The following COL24A1 variants were observed in gnomAD, a reference collection of about 807,000 sequenced individuals.
The protein encoded by COL24A1 is collagen alpha-1(XXIV) chain.
In COL24A1, 224 loss-of-function variants were observed where a neutral mutation model predicts 253.9. The observed-to-expected ratio is 0.88, with a 90% CI of 0.79 to 0.99. The LOEUF (loss-of-function observed/expected upper bound fraction) is 0.99. COL24A1 is among the 50% of genes least tolerant of loss of function. The pLI is 0.00. For missense variants in COL24A1, 2,131 were observed against 2,068.5 expected (o/e 1.03, Z -0.59); for synonymous variants, 685 against 673.7 (o/e 1.02, Z -0.26).
At chr1:86,049,989 T>C in intron 11 of COL24A1, 135 bp downstream of exon 11, 2 of 591,990 alleles carry the variant, frequency 3.4e-6, no homozygotes, top group Non-Finnish European at 5.7e-6. Flanking sequence ...ATTACATTTC[T>C]GGCAGGTGAT....
chr1:85,914,829 T>C (rs1685736525), intron 24 of COL24A1, among the ~76,000 whole-genome samples: 1 of 152,192 alleles, frequency 6.6e-6, no homozygotes, highest in South Asian at 2.1e-4. Context: ...TACATCCTCT[T>C]CTGGAAAAGA....
intron 24 of COL24A1, among the ~76,000 whole-genome samples, chr1:85,927,233 G>T (rs532127467): frequency 3.3e-5 from 5 of 152,040 alleles, no homozygotes; most frequent in African/African-American, 7.3e-5. Context: ...CGCACCGTGC[G>T]CGAGCCGAAG....
intron 5 of COL24A1, among the ~76,000 whole-genome samples, chr1:86,092,854 A>G (rs947929781): frequency 6.6e-6 from 1 of 151,990 alleles, no homozygotes; most frequent in Admixed American, 6.6e-5. Context: ...ATAAAATTAG[A>G]TAAGTTTCAC....
chr1:85,766,079 A>T (rs1315738918), intron 53 of COL24A1, among the ~76,000 whole-genome samples: 1 of 152,086 alleles, frequency 6.6e-6, no homozygotes, highest in African/African-American at 2.4e-5. Context: ...TATATATATG[A>T]ATAGGACTGG....
rs1043671704 is a variant in COL24A1, at chr1:85,929,814, A to G, written c.2563-18381T>C. 3.3e-4 allele frequency among the ~76,000 whole-genome samples: 50 copies of G among 151,468 alleles called. 1 individual carries two copies. Among genetic ancestry groups the G allele is most frequent in the Non-Finnish European group, 6.9e-4 (47 of 67,928 alleles). On this transcript the variant is annotated intron_variant, in intron 24 of 59. Transcript: ENST00000370571. ...CCGCTCAACTACATGGAAACTGAAC[A>G]ACCTGTACCTGAATGACTACTGGGT...
Position 85,732,311 on chromosome 1 carries a change from G to A in COL24A1, c.4999-1619C>T, listed in dbSNP as rs1012263030. 5.5e-4 allele frequency among the ~76,000 whole-genome samples: 83 copies of A among 151,396 alleles called. 2 individuals are homozygous for A. Among genetic ancestry groups the A allele is most frequent in the African/African-American group, 1.9e-3 (79 of 41,186 alleles). ...GTGGTGCAATCTAGGCTCACTGCAA[G>A]CTCCGCCTCCCAGGTTCACGCCATT... On this transcript the variant is annotated intron_variant, in intron 59 of 59. Coordinates refer to ENST00000370571, the MANE Select transcript of COL24A1 (RefSeq NM_152890.7).
chr1:85,947,054 T>C (rs138465894), intron 24 of COL24A1, among the ~76,000 whole-genome samples: 2 of 152,342 alleles, frequency 1.3e-5, no homozygotes, highest in Admixed American at 6.5e-5. Flanking sequence ...GCACATGGCA[T>C]GAACAGATGC....
intron 20 of COL24A1, among the ~76,000 whole-genome samples, chr1:85,977,058 C>T (rs902221320): frequency 6.6e-6 from 1 of 152,174 alleles, no homozygotes; most frequent in Non-Finnish European, 1.5e-5. Flanking sequence ...ACTTTGCAGA[C>T]AATCTCCAGC....
intron 24 of COL24A1, among the ~76,000 whole-genome samples, chr1:85,949,403 T>C (rs1187535339): frequency 6.6e-6 from 1 of 152,140 alleles, no homozygotes; most frequent in Non-Finnish European, 1.5e-5. Flanking sequence ...CTTGGATATT[T>C]AGGGAAGATA....
intron 3 of COL24A1, among the ~76,000 whole-genome samples, chr1:86,121,607 T>C (rs997131588): frequency 4.6e-5 from 7 of 152,066 alleles, no homozygotes; most frequent in Admixed American, 4.6e-4. Context: ...TAAAAACTGA[T>C]TAAATATAAT....
chr1:85,786,970 C>A (rs946902581), intron 47 of COL24A1, among the ~76,000 whole-genome samples: 1 of 152,164 alleles, frequency 6.6e-6, no homozygotes, highest in Non-Finnish European at 1.5e-5. Context: ...CTACACTTTG[C>A]AAACTAAATT....
At position 85,896,377 on chromosome 1, in the gene COL24A1, T is replaced by C; in HGVS notation, c.2811A>G (p.Glu937=). ...GSRGPDGLLG[E]QGIQGAKGEK... is the part of the protein sequence containing the mutation. ...TTACCTTGGCACCTTGTATACCTTG[T>C]TCCCCTAAGAGACCATCTGGTCCTC... The change falls in exon 29 of 60, where the codon GAA becomes GAG. Residue 937 remains glutamate (E), a synonymous_variant. Transcript: ENST00000370571. 6.2e-7 allele frequency: 1 copy of C among 1,613,550 alleles called. No individual in the cohort carries two copies. The highest frequency in any genetic ancestry group is 8.5e-7 in the Non-Finnish European group (1 of 1,179,486).
chr1:86,116,436 T>G (rs180721725), intron 3 of COL24A1, among the ~76,000 whole-genome samples: 1 of 152,334 alleles, frequency 6.6e-6, no homozygotes, highest in East Asian at 1.9e-4. Flanking sequence ...TTAAATCATA[T>G]GTACTTTCCA....
At position 85,937,507 on chromosome 1, in the gene COL24A1, T is replaced by C. The variant is rs535374017; in HGVS notation, c.2562+23742A>G. On this transcript the variant is annotated intron_variant, in intron 24 of 59. Coordinates refer to ENST00000370571, the MANE Select transcript of COL24A1 (RefSeq NM_152890.7). Reference sequence around the variant, plus strand: ...TCAATATTTACCAGAGGGTCAAACATGAAAGAGTATCTGCAGGTAGATTTA... The same window carrying C: ...TCAATATTTACCAGAGGGTCAAACACGAAAGAGTATCTGCAGGTAGATTTA... 9.7e-4 allele frequency among the ~76,000 whole-genome samples: 143 copies of C among 147,578 alleles called. 13 individuals are homozygous for C. Among genetic ancestry groups the C allele is most frequent in the African/African-American group, 3.5e-3 (141 of 40,296 alleles).
intron 18 of COL24A1, among the ~76,000 whole-genome samples, chr1:86,019,310 T>C (rs578102702): frequency 6.6e-6 from 1 of 152,146 alleles, no homozygotes; most frequent in South Asian, 2.1e-4. Flanking sequence ...TAATCCCACA[T>C]TCTAGGAGGC....
chr1:85,733,582 ATT>A (rs200237796), intron 59 of COL24A1, among the ~76,000 whole-genome samples: 2 of 144,938 alleles, frequency 1.4e-5, no homozygotes, highest in Non-Finnish European at 3.0e-5. Context: ...CTGTCATTTA[ATT>A]TTTTTTTTTT....
At chr1:85,759,319 A>G (rs554436289) in intron 55 of COL24A1, among the ~76,000 whole-genome samples, 3 of 152,350 alleles carry the variant, frequency 2.0e-5, no homozygotes, top group African/African-American at 7.2e-5. Flanking sequence ...GGTTCACAAT[A>G]TAATAGAAAA....
intron 19 of COL24A1, among the ~76,000 whole-genome samples, chr1:86,009,302 T>A (rs184802268): frequency 9.2e-5 from 14 of 152,200 alleles, no homozygotes; most frequent in Admixed American, 8.5e-4. Context: ...CAGACATAGA[T>A]CCAAGAAGTA....
chr1:86,111,415 T>C (rs1207565598), intron 5 of COL24A1, among the ~76,000 whole-genome samples: 1 of 151,720 alleles, frequency 6.6e-6, no homozygotes, highest in East Asian at 1.9e-4. Context: ...TAGAGGATTG[T>C]AAATGGACCA....
Sources: gnomAD v4.1 joint callset for allele counts (sites outside exome capture counted in the v4.1 genomes callset) on GRCh38, gnomAD v4.1.1 for gene constraint, MANE v1.5 for transcripts, NCBI Gene and HGNC (gene_info 2026-07-23, HGNC 2026-07-21) for gene names.